KALRN: variants seen among roughly 807,000 people sequenced by gnomAD.
KALRN encodes the protein kalirin.
KALRN carries 70 observed loss-of-function variants against 353.7 expected under a neutral mutation model. That is an observed-to-expected ratio of 0.20 (90% CI 0.16 to 0.24). KALRN has a LOEUF of 0.24. KALRN is among the 10% of genes least tolerant of loss of function. KALRN has a pLI of 1.00. For synonymous variants in KALRN, 1,391 were observed against 1,434.8 expected (o/e 0.97, Z 0.69); for missense variants, 2,791 against 3,756.7 (o/e 0.74, Z 6.72).
chr3:124,156,355 C>G (rs2068993210), intron 1 of KALRN, among the ~76,000 whole-genome samples: 1 of 152,214 alleles, frequency 6.6e-6, no homozygotes, highest in African/African-American at 2.4e-5. Context: ...TATATTAGCA[C>G]TCAACATCTA....
intron 3 of KALRN, among the ~76,000 whole-genome samples, chr3:124,256,862 G>A (rs1283185697): frequency 6.6e-6 from 1 of 152,222 alleles, no homozygotes; most frequent in Non-Finnish European, 1.5e-5. Context: ...GCAACTTAGA[G>A]AGGGGAGCCA....
At chr3:124,700,851 G>A (rs2062289515) in intron 56 of KALRN, among the ~76,000 whole-genome samples, 2 of 152,176 alleles carry the variant, frequency 1.3e-5, no homozygotes, top group African/African-American at 4.8e-5. Context: ...GCCCCCACCT[G>A]AATCCAGAAA....
intron 6 of KALRN, among the ~76,000 whole-genome samples, chr3:124,312,754 A>G (rs907784731): frequency 2.0e-5 from 3 of 152,260 alleles, no homozygotes; most frequent in African/African-American, 7.2e-5. Context: ...TTCATGAGAC[A>G]CAAAGCTATC....
At chr3:124,630,483 G>A (rs112445600) in intron 34 of KALRN, among the ~76,000 whole-genome samples, 6,003 of 152,084 alleles carry the variant, frequency 0.039, 155 homozygotes, top group Middle Eastern at 0.065. Context: ...TGCAACCTCC[G>A]CCTCCTGGGT....
chr3:124,241,881 G>A (rs773797734), intron 3 of KALRN, among the ~76,000 whole-genome samples: 34 of 152,188 alleles, frequency 2.2e-4, no homozygotes, highest in Non-Finnish European at 4.4e-4. Flanking sequence ...GAAGGGGTAG[G>A]AATGGGCCAG....
intron 10 of KALRN, among the ~76,000 whole-genome samples, chr3:124,381,075 A>G (rs1374102347): frequency 2.0e-5 from 3 of 152,200 alleles, no homozygotes; most frequent in Non-Finnish European, 2.9e-5. Flanking sequence ...AGTAGCAGGT[A>G]CCATGGAGAG....
chr3:124,176,197 T>C (rs1578989040), intron 1 of KALRN, among the ~76,000 whole-genome samples: 2 of 152,144 alleles, frequency 1.3e-5, no homozygotes, highest in East Asian at 3.9e-4. Flanking sequence ...CAGTTGTTTT[T>C]TACCTCCTAG....
chr3:124,672,765 T>C (rs1351069864), intron 48 of KALRN, among the ~76,000 whole-genome samples: 1 of 152,222 alleles, frequency 6.6e-6, no homozygotes, highest in African/African-American at 2.4e-5. Flanking sequence ...GCAAACCTGG[T>C]TTCTATTCCC....
chr3:124,265,298 C>CTTTTTTTTTTTTTT lies in KALRN; in HGVS notation c.456+609_456+622dup, dbSNP rs3054177. On this transcript the variant is annotated intron_variant, in intron 4 of 59. Transcript: ENST00000682506. Reference sequence around the variant, plus strand: ...CTAGTAACTAATTTAAGAAAATATTCTTTTTTTTTTTTTTGAGATAGAGTC... The same window carrying CTTTTTTTTTTTTTT: ...CTAGTAACTAATTTAAGAAAATATTCTTTTTTTTTTTTTTTTTTTTTTTTTTTTGAGATAGAGTC... Among the ~76,000 whole-genome samples the CTTTTTTTTTTTTTT allele has an allele frequency of 9.4e-3, 689 of 73,016 alleles. 157 individuals carry two copies. The highest frequency in any genetic ancestry group is 0.027 in the African/African-American group (509 of 18,624). The allele number at this position is 73,016 out of a possible 152,430, so 47.9% of individuals were successfully genotyped here.
chr3:124,541,498 C>G (rs905728491), intron 33 of KALRN, among the ~76,000 whole-genome samples: 10 of 151,790 alleles, frequency 6.6e-5, no homozygotes, highest in African/African-American at 2.4e-4. Context: ...ATTCTTGGAC[C>G]TTTATAACCA....
intron 34 of KALRN, among the ~76,000 whole-genome samples, chr3:124,599,401 A>G (rs1009808597): frequency 1.3e-5 from 2 of 152,078 alleles, no homozygotes; most frequent in Admixed American, 1.3e-4. Context: ...CTGATTTGCA[A>G]CCTGAGTCTC....
At chr3:124,627,317 A>G (rs527718910) in intron 34 of KALRN, among the ~76,000 whole-genome samples, 1 of 152,252 alleles carries the variant, frequency 6.6e-6, no homozygotes, top group African/African-American at 2.4e-5. Flanking sequence ...AGTTGCTTGC[A>G]TGGAACAAAC....
In KALRN at chr3:124,267,399, G is replaced by A. The variant is rs144264691; in HGVS notation, c.457-1344G>A. ...CTGCATTTCTAACAAGCTCCCATGT[G>A]ATGCCAATACTGCTGGTCTGAGAGC... On this transcript the variant is annotated intron_variant, in intron 4 of 59. Transcript: ENST00000682506. Among the ~76,000 whole-genome samples, 10 of 152,340 alleles carry A rather than the reference G, an allele frequency of 6.6e-5. No individual in the cohort carries two copies. In the East Asian group the frequency reaches 1.9e-3, roughly 29 times the overall value.
At chr3:124,256,659 C>G (rs1450481071) in intron 3 of KALRN, among the ~76,000 whole-genome samples, 1 of 152,170 alleles carries the variant, frequency 6.6e-6, no homozygotes, top group Non-Finnish European at 1.5e-5. Context: ...CACCCACCCA[C>G]AGAAGCCCTC....
chr3:124,357,163 A>G (rs1308454328), intron 10 of KALRN, among the ~76,000 whole-genome samples: 2 of 152,212 alleles, frequency 1.3e-5, no homozygotes, highest in Non-Finnish European at 2.9e-5. Context: ...GTCTATTGCA[A>G]TATTGCAAAG....
intron 1 of KALRN, among the ~76,000 whole-genome samples, chr3:124,161,600 C>T (rs980274653): frequency 1.7e-4 from 26 of 152,192 alleles, no homozygotes; most frequent in Non-Finnish European, 7.3e-5. Flanking sequence ...TCTTCTGTGG[C>T]CTCCTGTATG....
At chr3:124,253,300 C>A (rs1271658624) in intron 3 of KALRN, among the ~76,000 whole-genome samples, 1 of 152,214 alleles carries the variant, frequency 6.6e-6, no homozygotes, top group East Asian at 1.9e-4. Flanking sequence ...CTCCAGGAAC[C>A]TTTCTTTCTC....
intron 31 of KALRN, among the ~76,000 whole-genome samples, chr3:124,491,960 C>T (rs767884611): frequency 5.3e-5 from 8 of 152,076 alleles, no homozygotes; most frequent in Non-Finnish European, 8.8e-5. Flanking sequence ...CAAGAGGGAG[C>T]CTTTCACCAG....
intron 41 of KALRN, among the ~76,000 whole-genome samples, 155 bp downstream of exon 41, chr3:124,657,958 G>A (rs11708273): frequency 0.024 from 3,728 of 152,234 alleles, 83 homozygotes; most frequent in Middle Eastern, 0.037. Context: ...ATTGAGACCA[G>A]CCTGGGCAAC....
Sources: gnomAD v4.1 joint callset for allele counts (sites outside exome capture counted in the v4.1 genomes callset) on GRCh38, gnomAD v4.1.1 for gene constraint, MANE v1.5 for transcripts, NCBI Gene and HGNC (gene_info 2026-07-23, HGNC 2026-07-21) for gene names.